PCDHGA1: variants seen among roughly 807,000 people sequenced by gnomAD.
PCDHGA1 encodes protocadherin gamma subfamily A, 1.
Under a neutral mutation model 58.0 loss-of-function variants are expected in PCDHGA1, and 32 were observed. The observed-to-expected ratio is 0.55, with a 90% confidence interval of 0.42 to 0.74. The LOEUF (loss-of-function observed/expected upper bound fraction) is 0.74, where lower values mean the gene tolerates loss of function less well. PCDHGA1 is among the 30% of genes least tolerant of loss of function. PCDHGA1 has a pLI of 0.00. For synonymous variants in PCDHGA1, 498 were observed against 501.1 expected (o/e 0.99, Z 0.08); for missense variants, 1,205 against 1,182.3 (o/e 1.02, Z -0.28).
chr5:141,356,150 T>C (rs1181062763), intron 1 of PCDHGA1: 3 of 1,613,504 alleles, frequency 1.9e-6, no homozygotes, highest in Non-Finnish European at 2.5e-6. Flanking sequence ...TTCTATGACA[T>C]AGATGTAGAA....
chr5:141,348,321 T>A (rs1758096787), intron 1 of PCDHGA1, among the ~76,000 whole-genome samples: 1 of 152,160 alleles, frequency 6.6e-6, no homozygotes, highest in African/African-American at 2.4e-5. Context: ...CATCACAGAA[T>A]TTAAAAGGCC....
chr5:141,492,870 C>G (rs2099744684), intron 1 of PCDHGA1, among the ~76,000 whole-genome samples: 1 of 152,192 alleles, frequency 6.6e-6, no homozygotes, highest in African/African-American at 2.4e-5. Flanking sequence ...TGGCTCTCAA[C>G]CCCCAGAGAT....
At chr5:141,351,084 CCTA>C in intron 1 of PCDHGA1, 2 of 1,614,002 alleles carry the variant, frequency 1.2e-6, no homozygotes, top group South Asian at 2.2e-5. Flanking sequence ...GCAGAGATCA[CCTA>C]TGCCTTCCTC....
At chr5:141,492,553 G>A (rs1184580300) in intron 1 of PCDHGA1, among the ~76,000 whole-genome samples, 1 of 152,148 alleles carries the variant, frequency 6.6e-6, no homozygotes, top group Non-Finnish European at 1.5e-5. Flanking sequence ...CGGGTCGCCT[G>A]GGGGGCGGCC....
intron 1 of PCDHGA1, chr5:141,390,095 TC>T (rs1456939693): frequency 6.2e-7 from 1 of 1,613,972 alleles, no homozygotes; most frequent in Non-Finnish European, 8.5e-7. Context: ...AATCCGTGGT[TC>T]CCCCCAACTA....
intron 1 of PCDHGA1, chr5:141,398,042 T>C: frequency 6.7e-7 from 1 of 1,495,000 alleles, no homozygotes; most frequent in East Asian, 2.4e-5. Context: ...CTAAAGCCCG[T>C]TCGGAGATCC....
chr5:141,357,066 C>A, intron 1 of PCDHGA1: 1 of 1,613,984 alleles, frequency 6.2e-7, no homozygotes. Flanking sequence ...TGGGGCTGCA[C>A]ACAGGCGAGG....
chr5:141,375,809 G>A (rs912938777), intron 1 of PCDHGA1: 92 of 1,614,084 alleles, frequency 5.7e-5, no homozygotes, highest in Non-Finnish European at 7.3e-5. Flanking sequence ...CACTGGCGTG[G>A]AGCTGGCGCC....
intron 1 of PCDHGA1, chr5:141,361,692 C>T (rs1321631953): frequency 3.7e-6 from 6 of 1,613,512 alleles, no homozygotes; most frequent in Non-Finnish European, 5.1e-6. Flanking sequence ...CGCAGCGCGC[C>T]TTCGATCATG....
In PCDHGA1 at chr5:141,489,129, T is replaced by G; in HGVS notation, c.2422-5678T>G. On this transcript the variant is annotated intron_variant, in intron 1 of 3. Coordinates refer to ENST00000517417, the MANE Select transcript of PCDHGA1 (RefSeq NM_018912.3). This position sits in a 1 kb window ranked among gnomAD's most constrained non-coding sequence, Gnocchi z 4.5. ...AAGCAGGCAAACCTCCGAGCAGTTT[T>G]TAAGAGGCTGGAAGGAGACATAAGA... 1 of 761,976 alleles carries G rather than the reference T, an allele frequency of 1.3e-6. No homozygotes were observed. The highest frequency in any genetic ancestry group is 2.0e-6 in the Non-Finnish European group (1 of 490,014). The allele number at this position is 761,976 out of a possible 1,614,324, so 47.2% of individuals were successfully genotyped here.
chr5:141,432,663 G>A lies in PCDHGA1; in HGVS notation c.2422-62144G>A. ...CGCACGGCGCGAGCCCTGCTGGACA[G>A]AGACGCGCTCAAGCAGAGCCTCGTA... On this transcript the variant is annotated intron_variant, in intron 1 of 3. Coordinates refer to ENST00000517417, the MANE Select transcript of PCDHGA1 (RefSeq NM_018912.3). This position sits in a 1 kb window ranked among gnomAD's most constrained non-coding sequence, Gnocchi z 6.0. 1 of 1,613,886 alleles carries A rather than the reference G, an allele frequency of 6.2e-7. No individual in the cohort carries two copies. Among genetic ancestry groups the A allele is most frequent in the Non-Finnish European group, 8.5e-7 (1 of 1,179,952 alleles).
At chr5:141,351,121 C>T (rs940356720) in intron 1 of PCDHGA1, 10 of 1,614,066 alleles carry the variant, frequency 6.2e-6, no homozygotes, top group Admixed American at 3.3e-5. Context: ...GTACCAGCCT[C>T]TTCAATCTCA....
rs549842756 is a variant in PCDHGA1 at position 141,470,331 on chromosome 5, A to T, written c.2422-24476A>T. ...TTTCCTCAAATGATCCCATAATTTG[A>T]CCTTAGGAAGCTGTTCAAATAGACA... is the stretch of plus-strand genomic sequence containing the variant. On this transcript the variant is annotated intron_variant, in intron 1 of 3. Transcript: ENST00000517417. 3.3e-4 allele frequency among the ~76,000 whole-genome samples: 50 copies of T among 152,244 alleles called. 1 individual carries two copies. Among genetic ancestry groups the T allele is most frequent in the African/African-American group, 1.1e-3 (47 of 41,536 alleles).
Position 141,492,511 on chromosome 5 carries a change from C to T in PCDHGA1, c.2422-2296C>T, listed in dbSNP as rs58889912. Among the ~76,000 whole-genome samples the T allele has an allele frequency of 1.7e-3, 262 of 152,326 alleles. 2 individuals are homozygous for T. The highest frequency in any genetic ancestry group is 6.0e-3 in the African/African-American group (249 of 41,582). On this transcript the variant is annotated intron_variant, in intron 1 of 3. Coordinates refer to ENST00000517417, the MANE Select transcript of PCDHGA1 (RefSeq NM_018912.3). Reference sequence around the variant, plus strand: ...CCAGGCGAGGACTCCGGAGCCTCCTCTCACCTCTCCCACCTGCGCCCCGGG... The same window carrying T: ...CCAGGCGAGGACTCCGGAGCCTCCTTTCACCTCTCCCACCTGCGCCCCGGG...
chr5:141,384,903 C>T (rs1780641689), intron 1 of PCDHGA1: 1 of 1,613,992 alleles, frequency 6.2e-7, no homozygotes. Context: ...CTGACAGCAT[C>T]CCCGAAGTCT....
intron 1 of PCDHGA1, among the ~76,000 whole-genome samples, chr5:141,397,331 TA>T (rs1194266776): frequency 2.0e-5 from 3 of 152,214 alleles, no homozygotes; most frequent in Non-Finnish European, 4.4e-5. Flanking sequence ...AAATTATTTT[TA>T]TAAAGAATGT....
intron 1 of PCDHGA1, among the ~76,000 whole-genome samples, chr5:141,475,231 G>A (rs1188161872): frequency 6.6e-6 from 1 of 152,190 alleles, no homozygotes; most frequent in Admixed American, 6.5e-5. Flanking sequence ...AAAGGGAAAC[G>A]ATAGAGAGAG....
chr5:141,478,424 G>A, intron 1 of PCDHGA1: 2 of 1,613,686 alleles, frequency 1.2e-6, no homozygotes, highest in African/African-American at 1.3e-5. Context: ...CCGCCGCAGC[G>A]ACCCGCTGCT....
At chr5:141,451,302 G>A (rs1445994098) in intron 1 of PCDHGA1, among the ~76,000 whole-genome samples, 1 of 152,208 alleles carries the variant, frequency 6.6e-6, no homozygotes, top group Non-Finnish European at 1.5e-5. Context: ...GTCTTACAAG[G>A]CAGCAATTAA....
Sources: gnomAD v4.1 joint callset for allele counts (sites outside exome capture counted in the v4.1 genomes callset) on GRCh38, gnomAD v4.1.1 for gene constraint, Gnocchi (gnomAD v3.1) non-coding constraint, MANE v1.5 for transcripts, NCBI Gene and HGNC (gene_info 2026-07-23, HGNC 2026-07-21) for gene names.